Variants in SPTBN1 observed in about 807,000 individuals in gnomAD.
SPTBN1 encodes spectrin beta chain, non-erythrocytic 1.
A neutral mutation model predicts 266.4 loss-of-function variants in SPTBN1; 32 were observed. That is an observed-to-expected ratio of 0.12 (90% CI 0.09 to 0.16). The LOEUF is 0.16. Among genes scored for constraint, SPTBN1 ranks in the 10% least tolerant of loss-of-function variants. SPTBN1 has a pLI of 1.00. For synonymous variants in SPTBN1, 1,336 were observed against 1,162.2 expected (o/e 1.15, Z -3.04); for missense variants, 2,296 against 3,067.1 (o/e 0.75, Z 5.94).
At chr2:54,546,461 G>A (rs1672242718) in intron 2 of SPTBN1, 1 of 152,194 alleles carries the variant, frequency 6.6e-6, no homozygotes, top group African/African-American at 2.4e-5. Context: ...TTGTGTAAAT[G>A]TGTACCTGCC....
chr2:54,510,445 T>C (rs1669797451), intron 1 of SPTBN1, among the ~76,000 whole-genome samples: 1 of 152,186 alleles, frequency 6.6e-6, no homozygotes, highest in Admixed American at 6.5e-5. Context: ...AAAATCCAGC[T>C]ACTGCTGGTG....
intron 18 of SPTBN1, 73 bp from the exon 19 acceptor site, chr2:54,642,910 A>C (rs1046210954): frequency 1.3e-6 from 2 of 1,557,300 alleles, no homozygotes; most frequent in African/African-American, 1.4e-5. Flanking sequence ...TGACATAAAC[A>C]CAACCCTTTC....
intron 1 of SPTBN1, among the ~76,000 whole-genome samples, chr2:54,464,226 G>A (rs965871566): frequency 1.3e-5 from 2 of 152,232 alleles, no homozygotes; most frequent in East Asian, 3.9e-4. Context: ...ATAAGGACAA[G>A]TTTTTAAACA....
chr2:54,473,308 C>G (rs1429515857), intron 1 of SPTBN1, among the ~76,000 whole-genome samples: 2 of 152,166 alleles, frequency 1.3e-5, no homozygotes, highest in African/African-American at 4.8e-5. Flanking sequence ...GTTTTTATAA[C>G]ATAGAAAAAT....
chr2:54,599,041 C>T (rs1342607316), intron 2 of SPTBN1, 51 bp from the exon 3 acceptor site: 1 of 1,597,208 alleles, frequency 6.3e-7, no homozygotes, highest in African/African-American at 1.3e-5. Flanking sequence ...CATGTGCCTG[C>T]TCCTGCCAGT....
chr2:54,661,031 C>T, intron 32 of SPTBN1: 1 of 985,416 alleles, frequency 1.0e-6, no homozygotes, highest in Non-Finnish European at 1.2e-6. Context: ...TGGACCGTGC[C>T]TGGGAGCGCT....
At chr2:54,566,810 G>A (rs574204620) in intron 2 of SPTBN1, among the ~76,000 whole-genome samples, 6 of 151,982 alleles carry the variant, frequency 3.9e-5, no homozygotes, top group South Asian at 2.1e-4. Flanking sequence ...CAGCCTGGGC[G>A]TCAGAGTGAG....
chr2:54,457,224 C>G (rs943032828), intron 1 of SPTBN1: 6 of 150,160 alleles, frequency 4.0e-5, no homozygotes, highest in Non-Finnish European at 8.9e-5. Context: ...GGCGCCGAGC[C>G]GCCGCTGCGC....
intron 1 of SPTBN1, among the ~76,000 whole-genome samples, chr2:54,493,136 T>C (rs952805848): frequency 1.3e-5 from 2 of 150,780 alleles, no homozygotes; most frequent in African/African-American, 2.4e-5. Context: ...CTGCTGCGTA[T>C]CTGGGACCAC....
In SPTBN1 at chr2:54,551,722, G is replaced by A. The variant is rs552065040; in HGVS notation, c.148+25156G>A. On this transcript the variant is annotated intron_variant, in intron 2 of 35. Coordinates refer to ENST00000356805, the MANE Select transcript of SPTBN1 (RefSeq NM_003128.3). ...TATACTTAGATGGTTTTATGGGTGT[G>A]GGGGGAATGGGGGGAAGGTGTAAAG... Among the ~76,000 whole-genome samples, 9 of 151,136 alleles carry A rather than the reference G, an allele frequency of 6.0e-5. No individual in the cohort carries two copies. In the South Asian group the frequency reaches 1.9e-3, roughly 31 times the overall value.
chr2:54,606,797 C>T (rs1295207534), intron 3 of SPTBN1, among the ~76,000 whole-genome samples: 1 of 152,230 alleles, frequency 6.6e-6, no homozygotes, highest in Non-Finnish European at 1.5e-5. Context: ...ATCCCTTTCT[C>T]GGATAGGAGC....
rs1359504277 is a variant in SPTBN1 at position 54,650,668 on chromosome 2, G to A, written c.5577+679G>A. 3.9e-5 allele frequency among the ~76,000 whole-genome samples: 6 copies of A among 152,158 alleles called. No individual in the cohort carries two copies. The East Asian group carries it at 1.2e-3, about 29-fold the overall frequency. The stretch of plus-strand genomic sequence containing the variant: ...GTTCTTGTTGTTAAGAGTATATTGA[G>A]TATCTAAGTTATCTCAGCTTTTTCT... On this transcript the variant is annotated intron_variant, in intron 26 of 35. Coordinates refer to ENST00000356805, the MANE Select transcript of SPTBN1 (RefSeq NM_003128.3).
chr2:54,569,420 GAAAA>G (rs1673904275), intron 2 of SPTBN1, among the ~76,000 whole-genome samples: 1 of 152,124 alleles, frequency 6.6e-6, no homozygotes, highest in South Asian at 2.1e-4. Context: ...TGAAAAGAAA[GAAAA>G]GTGAAAGAAT....
At chr2:54,642,534 T>TTG (rs559432858) in intron 18 of SPTBN1, among the ~76,000 whole-genome samples, 14,077 of 151,388 alleles carry the variant, frequency 0.093, 930 homozygotes, top group Non-Finnish European at 0.14. Flanking sequence ...AAGTAGTTTT[T>TTG]TTTTTTTTTT....
At chr2:54,667,355 A>G (rs565358285) in intron 34 of SPTBN1, among the ~76,000 whole-genome samples, 1 of 152,300 alleles carries the variant, frequency 6.6e-6, no homozygotes, top group Non-Finnish European at 1.5e-5. Context: ...GGGGCTTTTT[A>G]AAATCCTTCC....
chr2:54,550,439 T>C (rs11898012), intron 2 of SPTBN1, among the ~76,000 whole-genome samples: 116,051 of 152,172 alleles, frequency 0.76, 44,968 homozygotes, highest in African/African-American at 0.92. Context: ...GTTCCATATC[T>C]CTGCAACTGG....
intron 5 of SPTBN1, among the ~76,000 whole-genome samples, chr2:54,617,274 G>A (rs1322310285): frequency 6.6e-6 from 1 of 152,226 alleles, no homozygotes; most frequent in Non-Finnish European, 1.5e-5. Flanking sequence ...TGTAGGTAGA[G>A]TAGAAAGCCA....
intron 2 of SPTBN1, among the ~76,000 whole-genome samples, chr2:54,596,766 G>A (rs1676120924): frequency 6.6e-6 from 1 of 152,044 alleles, no homozygotes; most frequent in Admixed American, 6.5e-5. Flanking sequence ...GAGCCCTCCC[G>A]GCACAGATCT....
chr2:54,458,701 C>A (rs949016247), intron 1 of SPTBN1, among the ~76,000 whole-genome samples: 4 of 152,084 alleles, frequency 2.6e-5, no homozygotes, highest in Admixed American at 6.6e-5. Context: ...CTTCTAAATG[C>A]CATCTCTATA....
Sources: gnomAD v4.1 joint callset for allele counts (sites outside exome capture counted in the v4.1 genomes callset) on GRCh38, gnomAD v4.1.1 for gene constraint, MANE v1.5 for transcripts, NCBI Gene and HGNC (gene_info 2026-07-23, HGNC 2026-07-21) for gene names.